Variants in RHPN2 observed in about 807,000 individuals in gnomAD.
RHPN2 encodes rhophilin Rho GTPase binding protein 2.
A neutral mutation model predicts 79.0 loss-of-function variants in RHPN2; 40 were observed. The ratio of observed to expected loss-of-function variants is 0.51; its 90% CI spans 0.39 to 0.66. RHPN2 has a LOEUF of 0.66. Ranked by LOEUF, RHPN2 falls within the 30% of genes least tolerant of loss-of-function variation. The pLI is 0.00. For synonymous variants in RHPN2, 285 were observed against 363.5 expected, an observed-to-expected ratio of 0.78 and a Z score of 2.46; for missense variants, 686 against 883.5, an observed-to-expected ratio of 0.78 and a Z score of 2.83.
At chr19:33,042,520 T>C (rs978533230) in intron 2 of RHPN2, among the ~76,000 whole-genome samples, 5 of 152,186 alleles carry the variant, frequency 3.3e-5, no homozygotes, top group Admixed American at 1.3e-4. Flanking sequence ...ACAGTATTTT[T>C]CCCAGCCTCC....
chr19:33,041,240 G>A (rs556687254), intron 2 of RHPN2, among the ~76,000 whole-genome samples: 27 of 152,212 alleles, frequency 1.8e-4, no homozygotes, highest in Admixed American at 1.4e-3. Flanking sequence ...GGGGGCTGCG[G>A]TAGGAAACCT....
At position 33,040,091 on chromosome 19, in the gene RHPN2, G is replaced by A. The variant is rs147885759; in HGVS notation, c.185+4158C>T. Among the ~76,000 whole-genome samples the A allele has an allele frequency of 1.6e-3, 248 of 152,100 alleles. 1 individual carries two copies. Among genetic ancestry groups the A allele is most frequent in the African/African-American group, 5.7e-3 (237 of 41,510 alleles). On this transcript the variant is annotated intron_variant, in intron 2 of 14. Coordinates refer to ENST00000254260, the MANE Select transcript of RHPN2 (RefSeq NM_033103.5). ...AGCCCACCTGATCCCTGTAAACCTC[G>A]GAGCAGGTCACTTCTGATCTAGCCC...
chr19:33,036,009 C>T (rs1171891456), intron 2 of RHPN2, among the ~76,000 whole-genome samples: 3 of 151,084 alleles, frequency 2.0e-5, no homozygotes, highest in Admixed American at 1.3e-4. Flanking sequence ...CCCAGCTACT[C>T]GGCAAGCTGA....
intron 14 of RHPN2, among the ~76,000 whole-genome samples, chr19:32,986,572 G>C (rs1251177429): frequency 1.3e-5 from 2 of 152,048 alleles, no homozygotes; most frequent in Non-Finnish European, 2.9e-5. Flanking sequence ...AAGGTAGATG[G>C]ATCTCGAGGT....
At position 33,048,738 on chromosome 19, in the gene RHPN2, A is replaced by AAAAAAAAAAC. The variant is rs1197733532; in HGVS notation, c.70-4375_70-4374insGTTTTTTTTT. Among the ~76,000 whole-genome samples, 21 of 151,278 alleles carry AAAAAAAAAAC rather than the reference A, an allele frequency of 1.4e-4. No homozygotes were observed. The South Asian group carries it at 2.3e-3, about 17-fold the overall frequency. ...GAGACTCAGTCTCAAAAAAAAAAAA[A>AAAAAAAAAAC]AAAAAAACTTTAATGTTAAGCTATT... On this transcript the variant is annotated intron_variant, in intron 1 of 14. Coordinates refer to ENST00000254260, the MANE Select transcript of RHPN2 (RefSeq NM_033103.5).
Position 32,991,812 on chromosome 19 carries a change from C to T in RHPN2, c.1644+11G>A, listed in dbSNP as rs1427197460. 6.2e-7 allele frequency: 1 copy of T among 1,613,914 alleles called. No individual in the cohort carries two copies. The highest frequency in any genetic ancestry group is 8.5e-7 in the Non-Finnish European group (1 of 1,179,850). On this transcript the variant is annotated intron_variant, in intron 13 of 14. Transcript: ENST00000254260. ...TGTGTTTGCTGCCAATCAAGAAAAGCATGTGCTTACCGAGGCAGAGCAGTA... is the reference window on the plus strand; with the variant it reads ...TGTGTTTGCTGCCAATCAAGAAAAGTATGTGCTTACCGAGGCAGAGCAGTA...
chr19:33,001,320 T>A (rs1971747084), intron 9 of RHPN2, among the ~76,000 whole-genome samples: 1 of 152,112 alleles, frequency 6.6e-6, no homozygotes, highest in African/African-American at 2.4e-5. Flanking sequence ...GACAACTGCT[T>A]GAGGCCAAGA....
At chr19:33,050,054 C>T (rs1027328709) in intron 1 of RHPN2, among the ~76,000 whole-genome samples, 9 of 152,110 alleles carry the variant, frequency 5.9e-5, no homozygotes, top group Admixed American at 5.2e-4. Context: ...ATCCATGCTC[C>T]CCCAACATCC....
intron 4 of RHPN2, among the ~76,000 whole-genome samples, chr19:33,013,354 G>A (rs9749151): frequency 0.24 from 36,965 of 151,470 alleles, 4,745 homozygotes; most frequent in Non-Finnish European, 0.28. Context: ...GCCACCATGC[G>A]CAGCTAATTT....
chr19:33,048,954 G>A (rs1278464980), intron 1 of RHPN2, among the ~76,000 whole-genome samples: 5 of 152,010 alleles, frequency 3.3e-5, no homozygotes, highest in South Asian at 2.1e-4. Flanking sequence ...TCCAAACTAC[G>A]GATAAGAATG....
chr19:33,036,652 C>T (rs1034055771), intron 2 of RHPN2, among the ~76,000 whole-genome samples: 10 of 152,140 alleles, frequency 6.6e-5, no homozygotes, highest in Non-Finnish European at 1.2e-4. Flanking sequence ...GAGGCGCGGG[C>T]GGGAACCAGG....
chr19:33,043,283 G>T (rs556691970), intron 2 of RHPN2, among the ~76,000 whole-genome samples: 2 of 152,278 alleles, frequency 1.3e-5, no homozygotes, highest in East Asian at 3.9e-4. Context: ...AGACGCAGTA[G>T]CTCGCGCCTG....
chr19:33,063,396 A>G (rs552031201), intron 1 of RHPN2, among the ~76,000 whole-genome samples: 1 of 152,212 alleles, frequency 6.6e-6, no homozygotes, highest in African/African-American at 2.4e-5. Flanking sequence ...CACCTGGGAG[A>G]AGGAGGAAGA....
In RHPN2 at chr19:32,999,143, G is replaced by A. The variant is rs367576886; in HGVS notation, c.1225+443C>T. ...CTGCGTATGTGTGCATGGGTGGTGC[G>A]CAGAGGGGCAGGTTAGGGTGGTGGA... On this transcript the variant is annotated intron_variant, in intron 10 of 14. Coordinates refer to ENST00000254260, the MANE Select transcript of RHPN2 (RefSeq NM_033103.5). Among the ~76,000 whole-genome samples the A allele has an allele frequency of 2.0e-4, 30 of 152,142 alleles. No homozygotes were observed. The South Asian group carries it at 3.5e-3, about 18-fold the overall frequency.
chr19:33,028,614 GAA>G (rs1971985790), intron 2 of RHPN2, among the ~76,000 whole-genome samples: 2 of 152,142 alleles, frequency 1.3e-5, no homozygotes, highest in African/African-American at 4.8e-5. Flanking sequence ...TATATTAAAA[GAA>G]GAGCTATTCT....
chr19:33,038,869 G>C (rs915310570), intron 2 of RHPN2, among the ~76,000 whole-genome samples: 9 of 152,036 alleles, frequency 5.9e-5, no homozygotes, highest in African/African-American at 2.2e-4. Flanking sequence ...TGTTGGCCAG[G>C]CTGGCCTCAA....
chr19:33,047,568 A>G (rs1972151991), intron 1 of RHPN2, among the ~76,000 whole-genome samples: 1 of 152,066 alleles, frequency 6.6e-6, no homozygotes, highest in South Asian at 2.1e-4. Context: ...GGCGGGTAGT[A>G]TTACGTGGTG....
intron 2 of RHPN2, among the ~76,000 whole-genome samples, chr19:33,028,785 A>G (rs903485021): frequency 3.9e-5 from 6 of 152,194 alleles, no homozygotes; most frequent in African/African-American, 1.4e-4. Context: ...AAAACCTACA[A>G]TAGGCAAAAT....
At position 33,036,880 on chromosome 19, in the gene RHPN2, C is replaced by CAA. The variant is rs201277632; in HGVS notation, c.185+7368_185+7369insTT. On this transcript the variant is annotated intron_variant, in intron 2 of 14. Transcript: ENST00000254260. ...GCCCGCCATGCCTGAGCCCCCCCGC[C>CAA]ACCCTCTGTGGGCTCCTGTGTAGCC... Among the ~76,000 whole-genome samples the CAA allele has an allele frequency of 2.0e-5, 3 of 150,636 alleles. No homozygotes were observed. The East Asian group carries it at 6.0e-4, about 30-fold the overall frequency.
Sources: gnomAD v4.1 joint callset for allele counts (sites outside exome capture counted in the v4.1 genomes callset) on GRCh38, gnomAD v4.1.1 for gene constraint, MANE v1.5 for transcripts, NCBI Gene and HGNC (gene_info 2026-07-23, HGNC 2026-07-21) for gene names.